The following SPTA1 variants were observed in gnomAD, a reference collection of about 807,000 sequenced individuals.
The protein encoded by SPTA1 is spectrin alpha chain, erythrocytic 1.
A neutral mutation model predicts 324.7 loss-of-function variants in SPTA1; 177 were observed. That is an observed-to-expected ratio of 0.55 (90% CI 0.48 to 0.62). The LOEUF is 0.62. Ranked by LOEUF, SPTA1 falls within the 20% of genes least tolerant of loss-of-function variation. The pLI is 0.00. For synonymous variants in SPTA1, 1,195 were observed against 1,041.3 expected (o/e 1.15, Z -2.84); for missense variants, 3,162 against 2,883.6 (o/e 1.10, Z -2.21).
chr1:158,645,249 T>A lies in SPTA1; in HGVS notation c.4133A>T (p.Asp1378Val). Residue 1378 changes from aspartate (D) to valine (V), a missense_variant, in exon 29 of 52, where the codon GAT (aspartate) becomes GTT (valine). Coordinates refer to ENST00000643759, the MANE Select transcript of SPTA1 (RefSeq NM_003126.4). ...KKLQAVKLER[D>V]DLEKAWEKRK... The stretch of plus-strand genomic sequence containing the variant: ...TTTTTCCCAAGCCTTCTCCAAATCA[T>A]CTCTCTCTAGCTTGACAGCTTGAAG... The A allele has an allele frequency of 1.2e-6, 2 of 1,614,004 alleles. No individual in the cohort carries two copies. The highest frequency in any genetic ancestry group is 2.2e-5 in the South Asian group (2 of 91,080).
At chr1:158,662,561 G>T in intron 17 of SPTA1, 141 bp downstream of exon 17, 4 of 1,112,510 alleles carry the variant, frequency 3.6e-6, no homozygotes, top group Non-Finnish European at 5.1e-6. Context: ...TTTTTATGAA[G>T]GACTGGACAA....
intron 29 of SPTA1, 133 bp downstream of exon 29, chr1:158,645,055 G>A: frequency 1.1e-6 from 1 of 916,080 alleles, no homozygotes; most frequent in Non-Finnish European, 1.8e-6. Flanking sequence ...ACAATGCTAG[G>A]TAATTAAGAG....
intron 16 of SPTA1, among the ~76,000 whole-genome samples, chr1:158,665,845 A>T (rs1024268150): frequency 3.3e-5 from 5 of 151,030 alleles, no homozygotes; most frequent in Non-Finnish European, 7.4e-5. Context: ...TTTATAGGTG[A>T]GGATAGTGAA....
intron 17 of SPTA1, among the ~76,000 whole-genome samples, chr1:158,662,416 G>A (rs2101891391): frequency 6.6e-6 from 1 of 152,296 alleles, no homozygotes; most frequent in East Asian, 1.9e-4. Flanking sequence ...AACCATGACT[G>A]TTCAAAGACC....
At chr1:158,680,889 T>C (rs955042445) in intron 4 of SPTA1, among the ~76,000 whole-genome samples, 160 bp from the exon 5 acceptor site, 2 of 152,150 alleles carry the variant, frequency 1.3e-5, no homozygotes, top group Non-Finnish European at 2.9e-5. Context: ...CAGAAGTATA[T>C]TTGTTAAGGT....
In SPTA1 at chr1:158,666,580, G is replaced by A; in HGVS notation, c.2039-83C>T. The A allele has an allele frequency of 5.1e-6, 6 of 1,187,764 alleles. 1 individual carries two copies. The South Asian group carries it at 7.6e-5, about 15-fold the overall frequency. The allele number at this position is 1,187,764 out of a possible 1,614,324, so 73.6% of individuals were successfully genotyped here. On this transcript the variant is annotated intron_variant, in intron 15 of 51. Transcript: ENST00000643759. ...ATAATATACCTTCCTCCAATTGAAG[G>A]ATCAATATAGTATTTTAATATTGCA...
At chr1:158,656,119 T>C (rs1652804581) in intron 20 of SPTA1, among the ~76,000 whole-genome samples, 1 of 152,192 alleles carries the variant, frequency 6.6e-6, no homozygotes, top group East Asian at 1.9e-4. Context: ...GCACTTACTG[T>C]TAAACATCTG....
intron 7 of SPTA1, 140 bp downstream of exon 7, chr1:158,677,550 C>G: frequency 1.1e-6 from 1 of 936,464 alleles, no homozygotes; most frequent in Non-Finnish European, 1.7e-6. Context: ...AATGAAGAAG[C>G]GTATTCAAGT....
At chr1:158,681,483 G>T (rs1196951462) in intron 4 of SPTA1, 44 bp downstream of exon 4, 2 of 1,613,038 alleles carry the variant, frequency 1.2e-6, no homozygotes, top group African/African-American at 2.7e-5. Context: ...ACCTGGGACA[G>T]AGGAGTGGGA....
chr1:158,662,124 GT>G (rs1165351974), intron 17 of SPTA1, among the ~76,000 whole-genome samples: 1 of 152,146 alleles, frequency 6.6e-6, no homozygotes, highest in Non-Finnish European at 1.5e-5. Context: ...CTTCCAGGAA[GT>G]TTTCCCAGAC....
rs201424292 is a variant in SPTA1, at chr1:158,678,470, C to T, written c.743G>A (p.Arg248His). The change falls in exon 6 of 52, where the codon CGC becomes CAC. Residue 248 changes from arginine (R) to histidine (H), a missense_variant. Physicochemically the swap from Arg to His is conservative, Grantham distance 29. Transcript: ENST00000643759. Reference protein sequence around the residue: ...KQNEVNAAWERLRGLALQRQK... With the variant: ...KQNEVNAAWEHLRGLALQRQK... ...TCTCTGGAGAGCCAAACCACGAAGG[C>T]GCTCCCAGGCAGCATTCACCTCATT... 2.5e-5 allele frequency: 40 copies of T among 1,613,682 alleles called. No homozygotes were observed. Among genetic ancestry groups the T allele is most frequent in the East Asian group, 6.7e-5 (3 of 44,866 alleles).
intron 42 of SPTA1, among the ~76,000 whole-genome samples, chr1:158,623,601 C>T (rs1028121993): frequency 9.2e-5 from 14 of 152,040 alleles, no homozygotes; most frequent in Non-Finnish European, 1.2e-4. Flanking sequence ...GGGGCTTTTC[C>T]CCCTTTTGTG....
At chr1:158,612,982 G>A (rs1357435296) in intron 50 of SPTA1, 21 bp from the exon 51 acceptor site, 1 of 1,613,148 alleles carries the variant, frequency 6.2e-7, no homozygotes. Context: ...AATGGATCAG[G>A]AGCTGAGCCT....
intron 44 of SPTA1, 56 bp from the exon 45 acceptor site, chr1:158,619,390 A>C (rs994570667): frequency 1.3e-6 from 2 of 1,560,744 alleles, no homozygotes; most frequent in South Asian, 2.2e-5. Flanking sequence ...TCTTTGCCAT[A>C]AGAGAATTGG....
chr1:158,629,696 G>A (rs1050067571), intron 39 of SPTA1, among the ~76,000 whole-genome samples: 18 of 151,902 alleles, frequency 1.2e-4, no homozygotes, highest in Admixed American at 6.6e-5. Context: ...ATCTAAATAA[G>A]AAAGGAAGAA....
At chr1:158,633,330 T>C (rs1027215806) in intron 39 of SPTA1, among the ~76,000 whole-genome samples, 3 of 152,152 alleles carry the variant, frequency 2.0e-5, no homozygotes, top group Admixed American at 2.0e-4. Flanking sequence ...GGACATGAGA[T>C]CTGTCTGTGT....
intron 47 of SPTA1, among the ~76,000 whole-genome samples, chr1:158,616,098 T>G (rs1557920276): frequency 6.6e-6 from 1 of 152,212 alleles, no homozygotes; most frequent in Non-Finnish European, 1.5e-5. Flanking sequence ...CAAATTTGCC[T>G]GACATCTTTT....
chr1:158,677,419 T>C lies in SPTA1; in HGVS notation c.957+271A>G, dbSNP rs147431782. Among the ~76,000 whole-genome samples, 548 of 152,266 alleles carry C rather than the reference T, an allele frequency of 3.6e-3. 4 individuals carry two copies. Among genetic ancestry groups the C allele is most frequent in the African/African-American group, 0.013 (525 of 41,554 alleles). On this transcript the variant is annotated intron_variant, in intron 7 of 51. Coordinates refer to ENST00000643759, the MANE Select transcript of SPTA1 (RefSeq NM_003126.4). The stretch of plus-strand genomic sequence containing the variant: ...CCTTGAAGGTATATTTGTTTTGTTT[T>C]TAAATTGTGAAATAAGTTAGGAAAA...
chr1:158,620,074 A>G, intron 44 of SPTA1, 96 bp downstream of exon 44: 4 of 1,446,816 alleles, frequency 2.8e-6, no homozygotes, highest in Non-Finnish European at 3.9e-6. Context: ...ATAGTTATTA[A>G]TAGTGTTCCT....
Sources: allele counts gnomAD v4.1 joint callset (sites outside exome capture counted in the v4.1 genomes callset), GRCh38; gene constraint gnomAD v4.1.1; transcripts MANE v1.5; gene names NCBI Gene and HGNC (gene_info 2026-07-23, HGNC 2026-07-21).